The following MEIS2 variants were observed in gnomAD, a reference collection of about 807,000 sequenced individuals.
MEIS2 encodes Meis homeobox 2, also known as homeobox protein Meis2.
MEIS2 carries 9 observed loss-of-function variants against 58.6 expected under a neutral mutation model. That is an observed-to-expected ratio of 0.15 (90% CI 0.09 to 0.27). The LOEUF (loss-of-function observed/expected upper bound fraction) is 0.27, where lower values mean the gene tolerates loss of function less well. Among genes scored for constraint, MEIS2 ranks in the 10% least tolerant of loss-of-function variants. MEIS2 has a pLI of 1.00. For synonymous variants in MEIS2, 221 were observed against 228.4 expected (o/e 0.97, Z 0.29); for missense variants, 427 against 635.0 (o/e 0.67, Z 3.52).
intron 2 of MEIS2, 94 bp from the exon 3 acceptor site, chr15:37,096,524 A>G: frequency 6.8e-7 from 1 of 1,475,772 alleles, no homozygotes; most frequent in Non-Finnish European, 9.1e-7. Flanking sequence ...GAGGGTGTGG[A>G]GTCCTTCTTT....
chr15:36,896,313 C>T (rs1399364216), intron 10 of MEIS2, among the ~76,000 whole-genome samples: 1 of 152,150 alleles, frequency 6.6e-6, no homozygotes, highest in South Asian at 2.1e-4. Flanking sequence ...TGAGAGTGTG[C>T]TAATGATTGG....
At chr15:36,921,596 G>A (rs2057510022) in intron 9 of MEIS2, among the ~76,000 whole-genome samples, 1 of 152,124 alleles carries the variant, frequency 6.6e-6, no homozygotes, top group East Asian at 1.9e-4. Context: ...AAAGAATTTG[G>A]TTCACCCAAA....
intron 8 of MEIS2, among the ~76,000 whole-genome samples, chr15:36,955,696 C>T (rs981145318): frequency 2.0e-5 from 3 of 152,160 alleles, no homozygotes; most frequent in Non-Finnish European, 4.4e-5. Context: ...CTAGCCAGTA[C>T]ATCAGGATGT....
intron 7 of MEIS2, among the ~76,000 whole-genome samples, chr15:37,071,425 T>C (rs1890697007): frequency 6.6e-6 from 1 of 152,112 alleles, no homozygotes; most frequent in African/African-American, 2.4e-5. Context: ...AGCTTTACAA[T>C]TCATAACTTC....
intron 9 of MEIS2, among the ~76,000 whole-genome samples, chr15:36,949,302 G>A (rs948586590): frequency 1.1e-4 from 17 of 151,866 alleles, no homozygotes; most frequent in Admixed American, 1.1e-3. Flanking sequence ...ATGAATCACA[G>A]AACCACAAAA....
chr15:37,010,803 C>A (rs189899119), intron 8 of MEIS2, among the ~76,000 whole-genome samples: 3 of 152,324 alleles, frequency 2.0e-5, no homozygotes, highest in African/African-American at 7.2e-5. Context: ...CTAGCTTTAT[C>A]TCTTGCTCCT....
In MEIS2 at chr15:36,980,326, C is replaced by T. The variant is rs190693290; in HGVS notation, c.901-29926G>A. ...AGACTGCTATATTAGTTCGTTTTCACGCTGCTAATAAAGACATACCCAAGA... is the reference window on the plus strand; with the variant it reads ...AGACTGCTATATTAGTTCGTTTTCATGCTGCTAATAAAGACATACCCAAGA... On this transcript the variant is annotated intron_variant, in intron 8 of 11. Transcript: ENST00000561208. Among the ~76,000 whole-genome samples the T allele has an allele frequency of 3.5e-3, 536 of 152,120 alleles. 2 individuals carry two copies. Among genetic ancestry groups the T allele is most frequent in the Non-Finnish European group, 5.1e-3 (350 of 67,998 alleles).
intron 11 of MEIS2, chr15:36,894,933 A>T: frequency 9.9e-7 from 1 of 1,008,636 alleles, no homozygotes. Flanking sequence ...AAAAAAGAAA[A>T]AGGATGTGTA....
At chr15:36,939,475 T>C (rs2058298015) in intron 9 of MEIS2, among the ~76,000 whole-genome samples, 1 of 152,218 alleles carries the variant, frequency 6.6e-6, no homozygotes, top group African/African-American at 2.4e-5. Flanking sequence ...TGGATCCATT[T>C]TGCTGTCTTT....
intron 1 of MEIS2, chr15:37,098,821 G>T: frequency 1.4e-6 from 1 of 718,862 alleles, no homozygotes; most frequent in Non-Finnish European, 1.7e-6. Flanking sequence ...CGAGAACGCC[G>T]AGGACTAGGA....
At chr15:37,071,308 C>T (rs972018432) in intron 7 of MEIS2, among the ~76,000 whole-genome samples, 2 of 152,042 alleles carry the variant, frequency 1.3e-5, no homozygotes, top group African/African-American at 2.4e-5. Context: ...AGGGGAACCT[C>T]GTGTGTCCGA....
At chr15:37,099,018 G>A (rs1403650141) in intron 1 of MEIS2, 1 of 982,940 alleles carries the variant, frequency 1.0e-6, no homozygotes, top group Non-Finnish European at 1.2e-6. Context: ...CGGCCCCAGC[G>A]GCGGCCCCGG....
chr15:36,902,977 A>G (rs2056552991), intron 9 of MEIS2, among the ~76,000 whole-genome samples: 1 of 152,126 alleles, frequency 6.6e-6, no homozygotes, highest in South Asian at 2.1e-4. Context: ...TTTTTAATAA[A>G]TATAATTATT....
chr15:37,082,406 T>A (rs764270697), intron 7 of MEIS2, among the ~76,000 whole-genome samples: 2 of 152,100 alleles, frequency 1.3e-5, no homozygotes, highest in African/African-American at 2.4e-5. Flanking sequence ...CGCCGCAATT[T>A]GGGGTGGTGG....
chr15:37,084,446 G>A (rs867025222), intron 6 of MEIS2, among the ~76,000 whole-genome samples: 72 of 152,076 alleles, frequency 4.7e-4, no homozygotes, highest in African/African-American at 1.6e-3. Context: ...TCAACTGATT[G>A]ACTATATAAC....
At chr15:37,020,992 G>A (rs1055305568) in intron 8 of MEIS2, among the ~76,000 whole-genome samples, 2 of 152,066 alleles carry the variant, frequency 1.3e-5, no homozygotes, top group Non-Finnish European at 2.9e-5. Flanking sequence ...GTTATGCAGG[G>A]ACAGGGAGAA....
chr15:36,995,994 T>C (rs1470071785), intron 8 of MEIS2, among the ~76,000 whole-genome samples: 5 of 45,498 alleles, frequency 1.1e-4, no homozygotes, highest in East Asian at 3.5e-4. Flanking sequence ...TATATATATA[T>C]ATATATATGT....
At chr15:37,030,314 G>T (rs899476747) in intron 8 of MEIS2, among the ~76,000 whole-genome samples, 1 of 152,042 alleles carries the variant, frequency 6.6e-6, no homozygotes, top group Non-Finnish European at 1.5e-5. Context: ...TATGGATTTC[G>T]GAAGGCAGAA....
intron 9 of MEIS2, among the ~76,000 whole-genome samples, chr15:36,927,132 A>T (rs910647864): frequency 6.6e-6 from 1 of 152,208 alleles, no homozygotes; most frequent in African/African-American, 2.4e-5. Context: ...TTCTACATGC[A>T]TCTGACCTCA....
Sources: gnomAD v4.1 joint callset for allele counts (sites outside exome capture counted in the v4.1 genomes callset) on GRCh38, gnomAD v4.1.1 for gene constraint, MANE v1.5 for transcripts, NCBI Gene and HGNC (gene_info 2026-07-23, HGNC 2026-07-21) for gene names.